The following SLC25A39 variants were observed in gnomAD, a reference collection of about 807,000 sequenced individuals.
SLC25A39 encodes mitochondrial glutathione transporter SLC25A39.
A neutral mutation model predicts 46.6 loss-of-function variants in SLC25A39; 44 were observed. The observed-to-expected ratio is 0.94, with a 90% CI of 0.74 to 1.21. The LOEUF is 1.21. SLC25A39 is among the 50% of genes most tolerant of loss of function. The probability of loss-of-function intolerance (pLI) is 0.00; values close to 1 mark genes in which losing one functional copy is unlikely to be tolerated. For missense variants in SLC25A39, 487 were observed against 473.0 expected (o/e 1.03, Z -0.28); for synonymous variants, 218 against 190.6 (o/e 1.14, Z -1.19).
Position 44,321,505 on chromosome 17 carries a change from T to G in SLC25A39, c.446A>C (p.Lys149Thr), listed in dbSNP as rs755813200. ...AIYFTAYDQL[K>T]AFLCGRALTS... is the part of the protein sequence containing the mutation. ...CAGGGCTCGACCACACAGGAAGGCC[T>G]TCAGTTGGTCATAGGCAGTGAAGTA... Residue 149 changes from lysine (K) to threonine (T), a missense_variant, in exon 7 of 12, where the codon AAG becomes ACG. Coordinates refer to ENST00000377095, the MANE Select transcript of SLC25A39 (RefSeq NM_001143780.3). 139 of 1,613,952 alleles carry G rather than the reference T, an allele frequency of 8.6e-5. No individual in the cohort carries two copies. Among genetic ancestry groups the G allele is most frequent in the Non-Finnish European group, 1.1e-4 (126 of 1,180,002 alleles).
intron 3 of SLC25A39, 75 bp from the exon 4 acceptor site, chr17:44,322,927 T>C: frequency 6.6e-7 from 1 of 1,512,702 alleles, no homozygotes; most frequent in East Asian, 2.3e-5. Flanking sequence ...GGAGATCTTT[T>C]TATTTTATTT....
At position 44,322,799 on chromosome 17, in the gene SLC25A39, G is replaced by A. The variant is rs1407819550; in HGVS notation, c.190+9C>T. ...CCCTCCCATGCTCCCTGTGGCTTGG[G>A]GCACTCACATTTGGTATAGGAGAGG... is the stretch of plus-strand genomic sequence containing the variant. On this transcript the variant is annotated intron_variant, in intron 4 of 11. Transcript: ENST00000377095. 1.2e-6 allele frequency: 2 copies of A among 1,614,030 alleles called. No individual in the cohort carries two copies. Among genetic ancestry groups the A allele is most frequent in the South Asian group, 1.1e-5 (1 of 91,080 alleles).
chr17:44,323,083 C>T (rs1047175961), intron 3 of SLC25A39, among the ~76,000 whole-genome samples: 1 of 152,118 alleles, frequency 6.6e-6, no homozygotes. Context: ...CCACCAAGCC[C>T]GGCTAATTTT....
Position 44,320,338 on chromosome 17 carries a change from G to A in SLC25A39, c.883+17C>T, listed in dbSNP as rs1006341620. 1.9e-6 allele frequency: 3 copies of A among 1,613,478 alleles called. No individual in the cohort carries two copies. Among genetic ancestry groups the A allele is most frequent in the African/African-American group, 1.3e-5 (1 of 75,058 alleles). ...AGGACCCCACCTGTCCCCTGCCACG[G>A]CAATCTGGGCCCTCACCTCTCACAG... On this transcript the variant is annotated intron_variant, in intron 10 of 11. Transcript: ENST00000377095.
In SLC25A39 at chr17:44,322,546, G is replaced by C; in HGVS notation, c.197C>G (p.Ser66Cys). 1 of 1,614,082 alleles carries C rather than the reference G, an allele frequency of 6.2e-7. No individual in the cohort carries two copies. Among genetic ancestry groups the C allele is most frequent in the East Asian group, 2.2e-5 (1 of 44,880 alleles). Reference sequence around the variant, plus strand: ...GCACTTCCCTGTGGATTGGAGAGAGGAGGGCACTGGGGAAAGGCAGGGGGC... The same window carrying C: ...GCACTTCCCTGTGGATTGGAGAGAGCAGGGCACTGGGGAAAGGCAGGGGGC... ...LWSLSYTKLPSSLQSTGKCLL... is the reference protein window; with the variant it reads ...LWSLSYTKLPCSLQSTGKCLL... The change falls in exon 5 of 12, where the codon TCC becomes TGC. Residue 66 changes from serine (S) to cysteine (C), a missense_variant. By Grantham distance (112) the Ser-to-Cys change is moderately radical. Transcript: ENST00000377095.
chr17:44,320,057 CAT>C lies in SLC25A39; in HGVS notation c.1022_1023del (p.Tyr341Ter). ...CTCTGGAAGAAGCTTTTGCCGAACT[CAT>C]AGGTGCTGATCATGATGGCACAGGA... is the stretch of plus-strand genomic sequence containing the variant. ...APSCAIMIST[Y>X]EFGKSFFQRL... is the part of the protein sequence containing the mutation. On this transcript the variant is annotated frameshift_variant, in exon 12 of 12. Transcript: ENST00000377095. LOFTEE classifies it high-confidence loss of function. The C allele has an allele frequency of 6.2e-7, 1 of 1,614,046 alleles. No individual in the cohort carries two copies. Among genetic ancestry groups the C allele is most frequent in the African/African-American group, 1.3e-5 (1 of 75,010 alleles).
chr17:44,323,137 G>T, intron 3 of SLC25A39, 147 bp downstream of exon 3: 1 of 1,004,390 alleles, frequency 1.0e-6, no homozygotes, highest in Non-Finnish European at 1.5e-6. Context: ...TGGCCAGGCT[G>T]GCCTTGAACT....
chr17:44,320,337 G>A lies in SLC25A39; in HGVS notation c.883+18C>T, dbSNP rs769660133. 43 of 1,613,488 alleles carry A rather than the reference G, an allele frequency of 2.7e-5. 1 individual carries two copies. In the South Asian group the frequency reaches 3.7e-4, roughly 14 times the overall value. Reference sequence around the variant, plus strand: ...CAGGACCCCACCTGTCCCCTGCCACGGCAATCTGGGCCCTCACCTCTCACA... The same window carrying A: ...CAGGACCCCACCTGTCCCCTGCCACAGCAATCTGGGCCCTCACCTCTCACA... On this transcript the variant is annotated intron_variant, in intron 10 of 11. Coordinates refer to ENST00000377095, the MANE Select transcript of SLC25A39 (RefSeq NM_001143780.3).
At chr17:44,323,146 C>G (rs2048107146) in intron 3 of SLC25A39, 138 bp downstream of exon 3, 1 of 1,086,276 alleles carries the variant, frequency 9.2e-7, no homozygotes, top group African/African-American at 1.6e-5. Flanking sequence ...TGGCCTTGAA[C>G]TCCTGATCTC....
chr17:44,320,677 G>C lies in SLC25A39; in HGVS notation c.746C>G (p.Pro249Arg), dbSNP rs376573435. The change falls in exon 9 of 12, where the codon CCG (proline) becomes CGG (arginine). Residue 249 changes from proline to arginine, a missense_variant. By Grantham distance (103) the Pro-to-Arg change is moderately radical. Transcript: ENST00000377095. ...LVKSWLNGFR[P>R]KDQTSVGMSF... is the part of the protein sequence containing the mutation. Reference sequence around the variant, plus strand: ...CATGCCCACAGAAGTCTGGTCCTTCGGCCTGAACCCATTGAGCCAGCTCTT... The same window carrying C: ...CATGCCCACAGAAGTCTGGTCCTTCCGCCTGAACCCATTGAGCCAGCTCTT... 4 of 1,614,006 alleles carry C rather than the reference G, an allele frequency of 2.5e-6. No individual in the cohort carries two copies. Among genetic ancestry groups the C allele is most frequent in the African/African-American group, 2.7e-5 (2 of 74,928 alleles).
At chr17:44,320,157 G>C (rs1211428910) in intron 11 of SLC25A39, 39 bp downstream of exon 11, 1 of 1,613,660 alleles carries the variant, frequency 6.2e-7, no homozygotes, top group Admixed American at 1.7e-5. Context: ...TCAGGTCGCA[G>C]GTCCGCCATG....
intron 10 of SLC25A39, 33 bp from the exon 11 acceptor site, chr17:44,320,309 A>C (rs1258120978): frequency 6.2e-7 from 1 of 1,613,368 alleles, no homozygotes; most frequent in African/African-American, 1.3e-5. Flanking sequence ...GTGAGACCCC[A>C]TTCAGGACCC....
rs199722360 is a variant in SLC25A39, at chr17:44,323,500, C to T, written c.63G>A (p.Gly21=). 2.5e-4 allele frequency: 392 copies of T among 1,574,700 alleles called. 2 individuals carry two copies. Among genetic ancestry groups the T allele is most frequent in the Middle Eastern group, 1.2e-3 (7 of 5,872 alleles). ...TACTGAAGAGAGAGGTAACCACAGC[C>T]CCGGTGCCTGAGGCCACCATTTGCT... ...PLQQMVASGT[G]AVVTSLFMTP... Residue 21 remains glycine (G), a synonymous_variant, in exon 2 of 12, where the codon GGG becomes GGA. Coordinates refer to ENST00000377095, the MANE Select transcript of SLC25A39 (RefSeq NM_001143780.3).
intron 8 of SLC25A39, 157 bp from the exon 9 acceptor site, chr17:44,320,888 G>A (rs1314315102): frequency 1.3e-5 from 13 of 979,900 alleles, no homozygotes; most frequent in East Asian, 2.6e-5. Flanking sequence ...TCTCCTGACC[G>A]CCTGGGCAAA....
chr17:44,323,439 A>AGCCCCCCCCCC, intron 2 of SLC25A39, 39 bp downstream of exon 2: 5 of 257,104 alleles, frequency 1.9e-5, no homozygotes, highest in African/African-American at 1.4e-4. Context: ...GGTCTGCCCC[A>AGCCCCCCCCCC]TCCCCACCCG....
rs964370514 is a variant in SLC25A39 at position 44,323,414 on chromosome 17, C to G, written c.85+64G>C. 17 of 1,565,710 alleles carry G rather than the reference C, an allele frequency of 1.1e-5. No individual in the cohort carries two copies. In the Admixed American group the frequency reaches 1.5e-4, roughly 14 times the overall value. The stretch of plus-strand genomic sequence containing the variant: ...CTAGGACTCCTCCCCCAGGACCACA[C>G]AGCCTCCAATCTCCGGTCTGCCCCA... On this transcript the variant is annotated intron_variant, in intron 2 of 11. Coordinates refer to ENST00000377095, the MANE Select transcript of SLC25A39 (RefSeq NM_001143780.3).
intron 3 of SLC25A39, 68 bp downstream of exon 3, chr17:44,323,216 G>A (rs376404751): frequency 1.9e-6 from 3 of 1,584,106 alleles, no homozygotes; most frequent in East Asian, 2.2e-5. Context: ...AGAAACCACG[G>A]CCAGCCTCTG....
chr17:44,320,017 C>A lies in SLC25A39; in HGVS notation c.1064G>T (p.Arg355Leu). Residue 355 changes from arginine to leucine, a missense_variant, in exon 12 of 12, where the codon CGG becomes CTG. Physicochemically the swap from Arg to Leu is moderately radical, Grantham distance 102. Coordinates refer to ENST00000377095, the MANE Select transcript of SLC25A39 (RefSeq NM_001143780.3). Reference sequence around the variant, plus strand: ...TTGCCCCTTTCAGCCGCCCAGAAGCCGGTCCTGGTTCAGCCTCTGGAAGAA... The same window carrying A: ...TTGCCCCTTTCAGCCGCCCAGAAGCAGGTCCTGGTTCAGCCTCTGGAAGAA... Reference protein sequence around the residue: ...KSFFQRLNQDRLLGG With the variant: ...KSFFQRLNQDLLLGG 1 of 1,613,958 alleles carries A rather than the reference C, an allele frequency of 6.2e-7. No homozygotes were observed. Among genetic ancestry groups the A allele is most frequent in the Admixed American group, 1.7e-5 (1 of 60,018 alleles).
In SLC25A39 at chr17:44,320,108, G is replaced by A; in HGVS notation, c.973C>T (p.Pro325Ser). 6.2e-7 allele frequency: 1 copy of A among 1,614,076 alleles called. No individual in the cohort carries two copies. Among genetic ancestry groups the A allele is most frequent in the Non-Finnish European group, 8.5e-7 (1 of 1,180,012 alleles). The change falls in exon 12 of 12, where the codon CCT (proline) becomes TCT (serine). Residue 325 changes from proline to serine, a missense_variant. Physicochemically the swap from Pro to Ser is moderately conservative, Grantham distance 74. Transcript: ENST00000377095. ...GTKGLFAGFL[P>S]RIIKAAPSCA... ...GAGGGGGCAGCCTTGATGATCCGAG[G>A]AAGGAAGCCTGCAGTGGAAAGGAGG...
Sources: allele counts gnomAD v4.1 joint callset (sites outside exome capture counted in the v4.1 genomes callset), GRCh38; gene constraint gnomAD v4.1.1; transcripts MANE v1.5; gene names NCBI Gene and HGNC (gene_info 2026-07-23, HGNC 2026-07-21).